The following GRM5 variants were observed in gnomAD, a reference collection of about 807,000 sequenced individuals.
GRM5 encodes metabotropic glutamate receptor 5.
Under a neutral mutation model 83.1 loss-of-function variants are expected in GRM5, and 19 were observed. That is an observed-to-expected ratio of 0.23 (90% confidence interval 0.16 to 0.34). The LOEUF (loss-of-function observed/expected upper bound fraction) is 0.34. GRM5 is among the 10% of genes least tolerant of loss of function. GRM5 has a pLI of 1.00. For synonymous variants in GRM5, 675 were observed against 633.6 expected (o/e 1.07, Z -0.98); for missense variants, 1,160 against 1,588.3 (o/e 0.73, Z 4.58).
intron 3 of GRM5, among the ~76,000 whole-genome samples, chr11:88,763,114 C>A (rs867830052): frequency 6.6e-6 from 1 of 151,816 alleles, no homozygotes; most frequent in African/African-American, 2.4e-5. Flanking sequence ...GTACAACAAA[C>A]CCCCATGACA....
At chr11:88,575,618 CAAACCCTTCAGCAAG>C (rs1462963317) in intron 7 of GRM5, among the ~76,000 whole-genome samples, 1 of 152,200 alleles carries the variant, frequency 6.6e-6, no homozygotes, top group Non-Finnish European at 1.5e-5. Flanking sequence ...CTCATTGGTT[CAAACCCTTCAGCAAG>C]ATTTTCGTTC....
intron 2 of GRM5, among the ~76,000 whole-genome samples, chr11:88,983,062 G>T (rs762924880): frequency 7.1e-6 from 1 of 141,192 alleles, no homozygotes; most frequent in Non-Finnish European, 1.5e-5. Flanking sequence ...GCGAAACTCC[G>T]TCACACACAC....
intron 3 of GRM5, among the ~76,000 whole-genome samples, chr11:88,689,625 G>C (rs1463966291): frequency 1.3e-5 from 2 of 152,148 alleles, no homozygotes; most frequent in East Asian, 3.8e-4. Flanking sequence ...CTAAGACACT[G>C]TTGTTTTCCC....
chr11:88,715,940 T>C (rs185068286), intron 3 of GRM5, among the ~76,000 whole-genome samples: 2 of 152,098 alleles, frequency 1.3e-5, no homozygotes, highest in East Asian at 3.9e-4. Context: ...GAGCCCCAGA[T>C]CATTCTGATG....
chr11:88,872,381 TA>T (rs1485427978), intron 2 of GRM5, among the ~76,000 whole-genome samples: 2 of 151,540 alleles, frequency 1.3e-5, no homozygotes. Flanking sequence ...GTGAGCCTTC[TA>T]AAAGATAAAT....
intron 7 of GRM5, among the ~76,000 whole-genome samples, chr11:88,585,153 A>G (rs1485102030): frequency 1.3e-5 from 2 of 152,212 alleles, no homozygotes; most frequent in Admixed American, 1.3e-4. Flanking sequence ...CCTTTGTCCT[A>G]TCTTCTTTCT....
At chr11:88,790,388 T>C (rs1380757596) in intron 3 of GRM5, among the ~76,000 whole-genome samples, 6 of 152,332 alleles carry the variant, frequency 3.9e-5, no homozygotes, top group Middle Eastern at 3.4e-3. Context: ...ATTTGCTGAA[T>C]AAGCAAATTA....
Position 88,722,788 on chromosome 11 carries a change from CCA to C in GRM5, c.912-69387_912-69386del, listed in dbSNP as rs541582592. Among the ~76,000 whole-genome samples the C allele has an allele frequency of 9.2e-5, 14 of 152,156 alleles. No homozygotes were observed. In the South Asian group the frequency reaches 1.9e-3, roughly 20 times the overall value. The stretch of plus-strand genomic sequence containing the variant: ...AGATTTCCCATATACCGCCTCATCC[CCA>C]GTTTCCCCTAATATTAACATCTTGT... On this transcript the variant is annotated intron_variant, in intron 3 of 9. Coordinates refer to ENST00000305447, the MANE Select transcript of GRM5 (RefSeq NM_001143831.3).
intron 4 of GRM5, among the ~76,000 whole-genome samples, chr11:88,632,363 C>T (rs1331155338): frequency 6.6e-6 from 1 of 150,708 alleles, no homozygotes; most frequent in Non-Finnish European, 1.5e-5. Context: ...CCCCCAAGCA[C>T]CTAGGACTAT....
intron 3 of GRM5, among the ~76,000 whole-genome samples, chr11:88,835,790 T>G (rs2135524911): frequency 6.6e-6 from 1 of 152,346 alleles, no homozygotes; most frequent in African/African-American, 2.4e-5. Context: ...CTTATTAAAC[T>G]TAGCACATTC....
chr11:88,511,085 C>T (rs1000702279), intron 9 of GRM5, among the ~76,000 whole-genome samples: 1 of 152,216 alleles, frequency 6.6e-6, no homozygotes, highest in African/African-American at 2.4e-5. Context: ...GTCTGATTGT[C>T]TGGATTGGCT....
chr11:88,787,965 T>C (rs529272787), intron 3 of GRM5, among the ~76,000 whole-genome samples: 3 of 152,280 alleles, frequency 2.0e-5, no homozygotes, highest in African/African-American at 7.2e-5. Context: ...TCTTCATCAT[T>C]ATACAATGAA....
Position 88,919,243 on chromosome 11 carries a change from T to TATATATATATATATATAAACTTAACCG in GRM5, c.662-69089_662-69088insCGGTTAAGTTTATATATATATATATAT, listed in dbSNP as rs1460211305. The stretch of plus-strand genomic sequence containing the variant: ...TCGAAGAACAGCAGGAGTAGCTATA[T>TATATATATATATATATAAACTTAACCG]ATATATATATATATCGGATAAAATA... On this transcript the variant is annotated intron_variant, in intron 2 of 9. Coordinates refer to ENST00000305447, the MANE Select transcript of GRM5 (RefSeq NM_001143831.3). 6.8e-5 allele frequency among the ~76,000 whole-genome samples: 5 copies of TATATATATATATATATAAACTTAACCG among 73,138 alleles called. 2 individuals carry two copies. The highest frequency in any genetic ancestry group is 1.7e-4 in the African/African-American group (5 of 29,514). 48.0% of individuals were successfully genotyped at this position (73,138 alleles called of 152,430 possible). A position where few individuals can be genotyped will look rare whatever the true frequency, so the allele number is the denominator to read the frequency against.
intron 2 of GRM5, among the ~76,000 whole-genome samples, chr11:88,908,233 C>A (rs1945436176): frequency 6.6e-6 from 1 of 152,072 alleles, no homozygotes. Context: ...ACCTACTCTC[C>A]CCTGTCTTCT....
intron 5 of GRM5, among the ~76,000 whole-genome samples, chr11:88,599,810 G>A (rs1037659853): frequency 2.6e-5 from 4 of 151,956 alleles, no homozygotes; most frequent in Non-Finnish European, 5.9e-5. Context: ...TCAGGAGATC[G>A]AGACCATCCT....
intron 7 of GRM5, among the ~76,000 whole-genome samples, chr11:88,589,781 T>C (rs1000292456): frequency 2.0e-5 from 3 of 152,200 alleles, no homozygotes; most frequent in African/African-American, 7.2e-5. Flanking sequence ...CTTATTATAT[T>C]GTAATCATAT....
At position 88,901,769 on chromosome 11, in the gene GRM5, T is replaced by C. The variant is rs534788134; in HGVS notation, c.662-51614A>G. On this transcript the variant is annotated intron_variant, in intron 2 of 9. Transcript: ENST00000305447. Reference sequence around the variant, plus strand: ...TCAACAGAAGTCTTCCCATAGCCTCTGATATTTTCTTTTCATTTCTTCTGA... The same window carrying C: ...TCAACAGAAGTCTTCCCATAGCCTCCGATATTTTCTTTTCATTTCTTCTGA... Among the ~76,000 whole-genome samples the C allele has an allele frequency of 2.0e-5, 3 of 152,302 alleles. No individual in the cohort carries two copies. The South Asian group carries it at 6.2e-4, about 32-fold the overall frequency.
chr11:88,873,125 C>A (rs541032912), intron 2 of GRM5, among the ~76,000 whole-genome samples: 1 of 151,606 alleles, frequency 6.6e-6, no homozygotes, highest in South Asian at 2.1e-4. Context: ...AAGACACTCA[C>A]AATGATAAAA....
At chr11:88,537,615 A>G (rs1157032069) in intron 8 of GRM5, among the ~76,000 whole-genome samples, 1 of 152,186 alleles carries the variant, frequency 6.6e-6, no homozygotes, top group Non-Finnish European at 1.5e-5. Flanking sequence ...ATTTAAAAAG[A>G]TCAATATTAT....
Sources: allele counts gnomAD v4.1 joint callset (sites outside exome capture counted in the v4.1 genomes callset), GRCh38; gene constraint gnomAD v4.1.1; transcripts MANE v1.5; gene names NCBI Gene and HGNC (gene_info 2026-07-23, HGNC 2026-07-21).